Variants in FGF12 observed in about 807,000 individuals in gnomAD.
The protein encoded by FGF12 is fibroblast growth factor 12B.
In FGF12, 14 loss-of-function variants were observed where a neutral mutation model predicts 23.6. The ratio of observed to expected loss-of-function variants is 0.59; its 90% CI spans 0.39 to 0.93. The LOEUF (loss-of-function observed/expected upper bound fraction) is 0.93. Ranked by LOEUF, FGF12 falls within the 40% of genes least tolerant of loss-of-function variation. The pLI is 0.00. For missense variants in FGF12, 175 were observed against 217.8 expected, an observed-to-expected ratio of 0.80 and a Z score of 1.24; for synonymous variants, 62 against 77.3, an observed-to-expected ratio of 0.80 and a Z score of 1.04.
At chr3:192,211,483 C>T (rs922990584) in intron 4 of FGF12, among the ~76,000 whole-genome samples, 3 of 142,520 alleles carry the variant, frequency 2.1e-5, no homozygotes, top group African/African-American at 2.7e-5. Flanking sequence ...TGGAGTGCAG[C>T]GGCGCAATCT....
At chr3:192,447,178 G>C (rs1364032580) in intron 2 of FGF12, among the ~76,000 whole-genome samples, 1 of 152,134 alleles carries the variant, frequency 6.6e-6, no homozygotes, top group Non-Finnish European at 1.5e-5. Context: ...TGTGTTCCTA[G>C]AGTGCTTGGC....
chr3:192,596,584 T>A (rs1158499671), intron 2 of FGF12, among the ~76,000 whole-genome samples: 1 of 152,202 alleles, frequency 6.6e-6, no homozygotes, highest in Non-Finnish European at 1.5e-5. Flanking sequence ...AGCAAATATA[T>A]GGCAAAGCCA....
chr3:192,406,734 C>A (rs1032140023), intron 2 of FGF12, among the ~76,000 whole-genome samples: 1 of 152,144 alleles, frequency 6.6e-6, no homozygotes. Context: ...GAAAACCCAA[C>A]GGAAAATGAA....
intron 2 of FGF12, among the ~76,000 whole-genome samples, chr3:192,594,517 T>G (rs1030156972): frequency 6.6e-6 from 1 of 151,848 alleles, no homozygotes; most frequent in Non-Finnish European, 1.5e-5. Context: ...TCTGCTGCTA[T>G]GGTTTGGATA....
chr3:192,712,175 G>C (rs1718710387), intron 2 of FGF12, among the ~76,000 whole-genome samples: 1 of 151,076 alleles, frequency 6.6e-6, no homozygotes, highest in African/African-American at 2.4e-5. Flanking sequence ...AGACAAAAGA[G>C]GTAGAGAACA....
chr3:192,381,743 A>C (rs1181626178), intron 2 of FGF12, among the ~76,000 whole-genome samples: 2 of 152,170 alleles, frequency 1.3e-5, no homozygotes, highest in Non-Finnish European at 2.9e-5. Context: ...ACAAGGACAG[A>C]AGTAAAAGAA....
intron 4 of FGF12, among the ~76,000 whole-genome samples, chr3:192,242,505 C>A (rs1430569625): frequency 6.6e-6 from 1 of 152,036 alleles, no homozygotes; most frequent in African/African-American, 2.4e-5. Context: ...AAGGAAGAAG[C>A]ACAAACACCC....
intron 2 of FGF12, among the ~76,000 whole-genome samples, chr3:192,397,332 T>G (rs1720568432): frequency 6.6e-6 from 1 of 152,184 alleles, no homozygotes; most frequent in African/African-American, 2.4e-5. Flanking sequence ...CCTCTCTACT[T>G]TCCCGAAAAG....
chr3:192,252,912 G>C (rs970437900), intron 4 of FGF12, among the ~76,000 whole-genome samples: 1 of 151,942 alleles, frequency 6.6e-6, no homozygotes, highest in Non-Finnish European at 1.5e-5. Context: ...TTATACCCTG[G>C]GGGAACTGAT....
intron 4 of FGF12, among the ~76,000 whole-genome samples, chr3:192,307,761 C>T (rs903678839): frequency 6.6e-6 from 1 of 152,158 alleles, no homozygotes; most frequent in Non-Finnish European, 1.5e-5. Context: ...CAAGATGAAT[C>T]ATGCCTCTTT....
chr3:192,655,501 G>C (rs188679205), intron 2 of FGF12, among the ~76,000 whole-genome samples: 1 of 152,150 alleles, frequency 6.6e-6, no homozygotes, highest in Non-Finnish European at 1.5e-5. Flanking sequence ...CTGAGAGGCT[G>C]ATGAAATCAC....
intron 5 of FGF12, among the ~76,000 whole-genome samples, chr3:192,158,367 T>TTTCTTTCTTTCTTTCTTTCTTTC (rs1553844108): frequency 0.027 from 3,337 of 122,404 alleles, 114 homozygotes; most frequent in African/African-American, 0.044. Context: ...TCTTTCTTTC[T>TTTCTTTCTTTCTTTCTTTCTTTC]TTCTTTCTTT....
At chr3:192,207,426 AT>A (rs1310385173) in intron 4 of FGF12, among the ~76,000 whole-genome samples, 2 of 152,208 alleles carry the variant, frequency 1.3e-5, no homozygotes, top group Non-Finnish European at 2.9e-5. Flanking sequence ...GAACAGTGAT[AT>A]TTGAGCTGAA....
At chr3:192,651,595 A>G (rs1462460474) in intron 2 of FGF12, among the ~76,000 whole-genome samples, 1 of 152,232 alleles carries the variant, frequency 6.6e-6, no homozygotes, top group Non-Finnish European at 1.5e-5. Flanking sequence ...AAATGGGTGG[A>G]CAAATAAAGC....
intron 2 of FGF12, among the ~76,000 whole-genome samples, chr3:192,680,448 T>C (rs75714324): frequency 6.6e-6 from 1 of 151,348 alleles, no homozygotes; most frequent in Non-Finnish European, 1.5e-5. Flanking sequence ...GGTTGGGAGG[T>C]GGTAGTGGGG....
intron 4 of FGF12, among the ~76,000 whole-genome samples, chr3:192,224,570 A>G (rs1361558027): frequency 6.6e-6 from 1 of 151,626 alleles, no homozygotes; most frequent in Non-Finnish European, 1.5e-5. Flanking sequence ...CTTTTTTTTT[A>G]ATTTGGGCTT....
chr3:192,696,252 G>C (rs1187137764), intron 2 of FGF12, among the ~76,000 whole-genome samples: 1 of 150,198 alleles, frequency 6.7e-6, no homozygotes, highest in African/African-American at 2.5e-5. Flanking sequence ...CTGTTGTCTT[G>C]TTCTGAATTC....
intron 2 of FGF12, among the ~76,000 whole-genome samples, chr3:192,443,017 C>T (rs1722247616): frequency 6.6e-6 from 1 of 152,006 alleles, no homozygotes; most frequent in Admixed American, 6.6e-5. Flanking sequence ...CCATCTTGGC[C>T]AGGCTGGTCT....
chr3:192,477,420 C>T (rs1300142361), intron 2 of FGF12, among the ~76,000 whole-genome samples: 1 of 152,070 alleles, frequency 6.6e-6, no homozygotes, highest in African/African-American at 2.4e-5. Flanking sequence ...TTCCCAATAA[C>T]AAGAAAAATT....
Sources: gnomAD v4.1 joint callset for allele counts (sites outside exome capture counted in the v4.1 genomes callset) on GRCh38, gnomAD v4.1.1 for gene constraint, MANE v1.5 for transcripts, NCBI Gene and HGNC (gene_info 2026-07-23, HGNC 2026-07-21) for gene names.